CELF4: variants seen among roughly 807,000 people sequenced by gnomAD.
The protein encoded by CELF4 is CUG-BP- and ETR-3-like factor 4.
In CELF4, 18 loss-of-function variants were observed where a neutral mutation model predicts 59.9. The observed-to-expected ratio is 0.30, with a 90% CI of 0.21 to 0.45. The LOEUF (loss-of-function observed/expected upper bound fraction) is 0.45. CELF4 is among the 20% of genes least tolerant of loss of function. The probability of loss-of-function intolerance (pLI) is 1.00; values close to 1 mark genes in which losing one functional copy is unlikely to be tolerated. For missense variants in CELF4, 456 were observed against 689.0 expected (o/e 0.66, Z 3.79); for synonymous variants, 261 against 267.1 (o/e 0.98, Z 0.22).
At chr18:37,459,464 C>T (rs2099787695) in intron 2 of CELF4, among the ~76,000 whole-genome samples, 1 of 152,218 alleles carries the variant, frequency 6.6e-6, no homozygotes, top group Non-Finnish European at 1.5e-5. Context: ...CTTCCATCTA[C>T]TCACTCTCTT....
chr18:37,353,529 G>A (rs1390838909), intron 2 of CELF4, among the ~76,000 whole-genome samples: 1 of 151,154 alleles, frequency 6.6e-6, no homozygotes, highest in Non-Finnish European at 1.5e-5. Flanking sequence ...GGGCATGGGG[G>A]AAGAACTGTG....
chr18:37,290,524 C>T lies in CELF4; in HGVS notation c.449-15281G>A, dbSNP rs9963760. 9.6e-3 allele frequency among the ~76,000 whole-genome samples: 1,466 copies of T among 152,218 alleles called. 31 individuals are homozygous for T. The highest frequency in any genetic ancestry group is 0.034 in the African/African-American group (1,398 of 41,526). The stretch of plus-strand genomic sequence containing the variant: ...CCTTGAGAAGTCTGGAAATGCTGAT[C>T]CAAGAAGGGCAGCGGGAGCTTGAGC... On this transcript the variant is annotated intron_variant, in intron 3 of 12. Coordinates refer to ENST00000420428, the MANE Select transcript of CELF4 (RefSeq NM_020180.4).
chr18:37,325,384 T>C (rs1447339216), intron 2 of CELF4, among the ~76,000 whole-genome samples: 2 of 152,190 alleles, frequency 1.3e-5, no homozygotes, highest in East Asian at 3.8e-4. Context: ...CTGGCCAGGA[T>C]AGAGCTATTT....
At chr18:37,252,829 C>T (rs1330285099) in intron 12 of CELF4, among the ~76,000 whole-genome samples, 1 of 151,684 alleles carries the variant, frequency 6.6e-6, no homozygotes, top group Non-Finnish European at 1.5e-5. Context: ...AGCTGGCACA[C>T]AATACTGCTG....
intron 2 of CELF4, among the ~76,000 whole-genome samples, chr18:37,365,814 A>G (rs746810720): frequency 6.6e-6 from 1 of 152,146 alleles, no homozygotes; most frequent in Non-Finnish European, 1.5e-5. Flanking sequence ...AAACTAAGGC[A>G]ACAGCCGGAC....
chr18:37,420,111 G>A (rs1327966869), intron 2 of CELF4, among the ~76,000 whole-genome samples: 1 of 152,196 alleles, frequency 6.6e-6, no homozygotes, highest in African/African-American at 2.4e-5. Context: ...GCCTAAAAGT[G>A]GCCTGCTATG....
At position 37,417,516 on chromosome 18, in the gene CELF4, C is replaced by T. The variant is rs76761306; in HGVS notation, c.369+68009G>A. ...CAGAATACAGCAGACTCAATGAAGC[C>T]CCTCTGTTGGCCAAGTGGTGCTATC... is the stretch of plus-strand genomic sequence containing the variant. On this transcript the variant is annotated intron_variant, in intron 2 of 12. Transcript: ENST00000420428. 3.2e-3 allele frequency among the ~76,000 whole-genome samples: 480 copies of T among 152,322 alleles called. 4 individuals are homozygous for T. Among genetic ancestry groups the T allele is most frequent in the African/African-American group, 0.011 (460 of 41,580 alleles).
rs892814770 is a variant in CELF4 at position 37,243,436 on chromosome 18, A to C, written c.*1806T>G. Reference sequence around the variant, plus strand: ...CCAAAGCAATCTTCCCAAGGGTGCAAATAAATTATAATAAATATGTTATAC... The same window carrying C: ...CCAAAGCAATCTTCCCAAGGGTGCACATAAATTATAATAAATATGTTATAC... On this transcript the variant is annotated 3_prime_UTR_variant, in exon 13 of 13. Coordinates refer to ENST00000420428, the MANE Select transcript of CELF4 (RefSeq NM_020180.4). 2 of 152,132 alleles carry C rather than the reference A, an allele frequency of 1.3e-5. No individual in the cohort carries two copies. Among genetic ancestry groups the C allele is most frequent in the African/African-American group, 4.8e-5 (2 of 41,458 alleles). 9.4% of individuals were successfully genotyped at this position (152,132 alleles called of 1,614,324 possible).
intron 1 of CELF4, among the ~76,000 whole-genome samples, chr18:37,501,050 G>A (rs2099931296): frequency 6.6e-6 from 1 of 152,234 alleles, no homozygotes; most frequent in African/African-American, 2.4e-5. Flanking sequence ...GTGGGCCATG[G>A]CCAAGGATTC....
chr18:37,448,443 G>A (rs1216291213), intron 2 of CELF4, among the ~76,000 whole-genome samples: 1 of 152,256 alleles, frequency 6.6e-6, no homozygotes, highest in Non-Finnish European at 1.5e-5. Flanking sequence ...CCCTGGCGAG[G>A]CCTTGCCTTC....
At chr18:37,359,077 G>A (rs897182216) in intron 2 of CELF4, among the ~76,000 whole-genome samples, 2 of 152,090 alleles carry the variant, frequency 1.3e-5, no homozygotes, top group East Asian at 1.9e-4. Context: ...CAGCCTGGGC[G>A]ACACAGCAAG....
At chr18:37,545,352 C>A (rs944320336) in intron 1 of CELF4, among the ~76,000 whole-genome samples, 3 of 152,196 alleles carry the variant, frequency 2.0e-5, no homozygotes, top group Admixed American at 6.5e-5. Context: ...AAATGACTCA[C>A]GCTGGAGCCA....
At chr18:37,367,096 C>T (rs185029106) in intron 2 of CELF4, among the ~76,000 whole-genome samples, 532 of 152,254 alleles carry the variant, frequency 3.5e-3, no homozygotes, top group Non-Finnish European at 5.9e-3. Context: ...GCAAGCTATG[C>T]GGCCAGCATG....
intron 1 of CELF4, among the ~76,000 whole-genome samples, chr18:37,537,017 G>A (rs187274041): frequency 6.6e-5 from 10 of 152,270 alleles, no homozygotes; most frequent in Non-Finnish European, 1.2e-4. Flanking sequence ...CACGACTGGC[G>A]GGTGTCATAG....
Position 37,259,278 on chromosome 18 carries a change from A to AGGGGG in CELF4, c.1250-19_1250-15dup. On this transcript the variant is annotated splice_polypyrimidine_tract_variant and intron_variant, in intron 10 of 12. Transcript: ENST00000420428. Reference sequence around the variant, plus strand: ...AGCCCTCGGGCCCTGCGGTGAGGGGAGGGGGTGGGCGGGGGAGGAGGGATG... The same window carrying AGGGGG: ...AGCCCTCGGGCCCTGCGGTGAGGGGAGGGGGGGGGGTGGGCGGGGGAGGAGGGATG... 3.3e-5 allele frequency: 5 copies of AGGGGG among 151,028 alleles called. No homozygotes were observed. The highest frequency in any genetic ancestry group is 1.3e-4 in the South Asian group (2 of 15,410). 9.4% of individuals were successfully genotyped at this position (151,028 alleles called of 1,614,324 possible).
At chr18:37,545,934 G>A (rs1223275432) in intron 1 of CELF4, among the ~76,000 whole-genome samples, 2 of 152,150 alleles carry the variant, frequency 1.3e-5, no homozygotes, top group South Asian at 2.1e-4. Flanking sequence ...CGAGGTCTCT[G>A]GAGGACACTG....
intron 1 of CELF4, among the ~76,000 whole-genome samples, chr18:37,548,941 A>G (rs1226013160): frequency 3.3e-5 from 5 of 152,178 alleles, no homozygotes; most frequent in African/African-American, 1.2e-4. Flanking sequence ...CCCCTGAATG[A>G]TCAGGGCCAA....
rs745594476 is a variant in CELF4, at chr18:37,408,498, G to C, written c.369+77027C>G. Among the ~76,000 whole-genome samples the C allele has an allele frequency of 8.8e-4, 46 of 52,068 alleles. 3 individuals carry two copies. Among genetic ancestry groups the C allele is most frequent in the African/African-American group, 1.8e-3 (43 of 23,808 alleles). 34.2% of individuals were successfully genotyped at this position (52,068 alleles called of 152,430 possible). Reference sequence around the variant, plus strand: ...TTCCCCCTTTGGTTGGTGCCGGGGGGGGGCGCGGTGCAGGAGGATGTGAGA... The same window carrying C: ...TTCCCCCTTTGGTTGGTGCCGGGGGCGGGCGCGGTGCAGGAGGATGTGAGA... On this transcript the variant is annotated intron_variant, in intron 2 of 12. Transcript: ENST00000420428.
At chr18:37,324,882 C>T (rs1419870294) in intron 2 of CELF4, among the ~76,000 whole-genome samples, 1 of 152,116 alleles carries the variant, frequency 6.6e-6, no homozygotes, top group East Asian at 1.9e-4. Flanking sequence ...AGAAGTTAGC[C>T]TGAGGTCACA....
Sources: gnomAD v4.1 joint callset for allele counts (sites outside exome capture counted in the v4.1 genomes callset) on GRCh38, gnomAD v4.1.1 for gene constraint, MANE v1.5 for transcripts, NCBI Gene and HGNC (gene_info 2026-07-23, HGNC 2026-07-21) for gene names.